The following ARHGAP20 variants were observed in gnomAD, a reference collection of about 807,000 sequenced individuals.
ARHGAP20 encodes rho GTPase-activating protein 20.
In ARHGAP20, 34 loss-of-function variants were observed where a neutral mutation model predicts 73.7. The ratio of observed to expected loss-of-function variants is 0.46; its 90% CI spans 0.35 to 0.61. The LOEUF (loss-of-function observed/expected upper bound fraction) is 0.61. ARHGAP20 is among the 20% of genes least tolerant of loss of function. The pLI is 0.00. For synonymous variants in ARHGAP20, 523 were observed against 518.2 expected (o/e 1.01, Z -0.13); for missense variants, 1,314 against 1,420.9 (o/e 0.92, Z 1.21).
At position 110,578,035 on chromosome 11, in the gene ARHGAP20, AAAG is replaced by A. The variant is rs774336300; in HGVS notation, c.*1332_*1334del. 5 of 985,296 alleles carry A rather than the reference AAAG, an allele frequency of 5.1e-6. No homozygotes were observed. Among genetic ancestry groups the A allele is most frequent in the African/African-American group, 1.7e-5 (1 of 57,244 alleles). 61.0% of individuals were successfully genotyped at this position (985,296 alleles called of 1,614,324 possible). Reference sequence around the variant, plus strand: ...TTCTTATAGGTTAGTAGTTAATGTGAAAGAAGATGCACATCCATTTTTAGTGCC... The same window carrying A: ...TTCTTATAGGTTAGTAGTTAATGTGAAAGATGCACATCCATTTTTAGTGCC... On this transcript the variant is annotated 3_prime_UTR_variant, in exon 15 of 15. Coordinates refer to ENST00000683387, the MANE Select transcript of ARHGAP20 (RefSeq NM_001384657.1).
Position 110,609,022 on chromosome 11 carries a change from A to G in ARHGAP20, c.737T>C (p.Val246Ala). ...TGSERDYQLWVNSGKEEAPYP... is the reference protein window; with the variant it reads ...TGSERDYQLWANSGKEEAPYP... ...TGGAGCCTCTTCTTTGCCAGAATTGACCCACAACTGGTAATCTCTCTCAGA... is the reference window on the plus strand; with the variant it reads ...TGGAGCCTCTTCTTTGCCAGAATTGGCCCACAACTGGTAATCTCTCTCAGA... Residue 246 changes from valine (V) to alanine (A), a missense_variant, in exon 8 of 15, where the codon GTC becomes GCC. Around this residue, in one of 3 missense-constraint regions of ARHGAP20, gnomAD observed 443 missense variants for 466.4 expected, o/e 0.95. Coordinates refer to ENST00000683387, the MANE Select transcript of ARHGAP20 (RefSeq NM_001384657.1). The G allele has an allele frequency of 6.2e-7, 1 of 1,613,694 alleles. No homozygotes were observed. Among genetic ancestry groups the G allele is most frequent in the African/African-American group, 1.3e-5 (1 of 75,032 alleles).
intron 1 of ARHGAP20, among the ~76,000 whole-genome samples, chr11:110,700,738 C>T (rs572209744): frequency 9.2e-6 from 1 of 109,276 alleles, no homozygotes; most frequent in African/African-American, 3.5e-5. Flanking sequence ...ATCCCTCCCC[C>T]CTCCCCCCAC....
intron 9 of ARHGAP20, 140 bp from the exon 10 acceptor site, chr11:110,592,295 C>A: frequency 1.5e-6 from 1 of 673,072 alleles, no homozygotes; most frequent in Non-Finnish European, 2.3e-6. Context: ...ATTGACAATT[C>A]AACCTATAAA....
chr11:110,594,243 C>T (rs1246181757), intron 9 of ARHGAP20, among the ~76,000 whole-genome samples: 1 of 152,158 alleles, frequency 6.6e-6, no homozygotes, highest in Non-Finnish European at 1.5e-5. Context: ...AATGCATCAT[C>T]AATGTACACA....
chr11:110,640,496 A>G (rs879535291), intron 2 of ARHGAP20, among the ~76,000 whole-genome samples: 1 of 152,010 alleles, frequency 6.6e-6, no homozygotes, highest in African/African-American at 2.4e-5. Flanking sequence ...CACTCTCAAC[A>G]TCAAAACTCT....
chr11:110,600,827 A>G (rs1370618491), intron 9 of ARHGAP20, among the ~76,000 whole-genome samples: 1 of 152,244 alleles, frequency 6.6e-6, no homozygotes, highest in Non-Finnish European at 1.5e-5. Context: ...ACCATTCCAA[A>G]GATGAGTTAC....
At chr11:110,701,098 C>T (rs534124473) in intron 1 of ARHGAP20, among the ~76,000 whole-genome samples, 5,079 of 151,464 alleles carry the variant, frequency 0.034, 114 homozygotes, top group Non-Finnish European at 0.051. Context: ...CCTTTGGGTA[C>T]ATACCCAGTA....
intron 2 of ARHGAP20, among the ~76,000 whole-genome samples, chr11:110,653,028 T>C (rs1249164671): frequency 1.3e-5 from 2 of 151,986 alleles, no homozygotes; most frequent in East Asian, 3.9e-4. Context: ...ACGCAGAGAA[T>C]TGAAACTGGA....
Position 110,690,568 on chromosome 11 carries a change from A to C in ARHGAP20, c.167T>G (p.Leu56Arg). The C allele has an allele frequency of 6.2e-6, 10 of 1,614,030 alleles. No homozygotes were observed. The highest frequency in any genetic ancestry group is 8.5e-6 in the Non-Finnish European group (10 of 1,179,922). Residue 56 changes from leucine (L) to arginine (R), a missense_variant, in exon 2 of 15, where the codon CTA becomes CGA. By Grantham distance (102) the Leu-to-Arg change is moderately radical (BLOSUM62 -2). Around this residue, in one of 3 missense-constraint regions of ARHGAP20, gnomAD observed 443 missense variants for 466.4 expected, o/e 0.95. Coordinates refer to ENST00000683387, the MANE Select transcript of ARHGAP20 (RefSeq NM_001384657.1). ...SAPSLILDKA[L>R]QKRPTTRDSP... The stretch of plus-strand genomic sequence containing the variant: ...TTACCTGGTAGTAGGCCGTTTTTGT[A>C]GGGCTTTATCCAGGATAAGAGATGG...
chr11:110,586,337 G>T lies in ARHGAP20; in HGVS notation c.1306-12C>A, dbSNP rs781210945. The T allele has an allele frequency of 3.4e-6, 5 of 1,450,324 alleles. No homozygotes were observed. The highest frequency in any genetic ancestry group is 1.4e-5 in the African/African-American group (1 of 69,580). 89.8% of individuals were successfully genotyped at this position (1,450,324 alleles called of 1,614,324 possible). ...TTTCGCAGAAAATCCTTAAATAGAT[G>T]GAAAAACAAATATTTCAAATAATTA... On this transcript the variant is annotated splice_polypyrimidine_tract_variant and intron_variant, in intron 11 of 14. Coordinates refer to ENST00000683387, the MANE Select transcript of ARHGAP20 (RefSeq NM_001384657.1).
intron 2 of ARHGAP20, among the ~76,000 whole-genome samples, chr11:110,674,379 C>T (rs953301548): frequency 1.3e-5 from 2 of 152,168 alleles, no homozygotes; most frequent in Middle Eastern, 3.2e-3. Context: ...ACAGGTTGAG[C>T]ATCCCTGATC....
intron 2 of ARHGAP20, among the ~76,000 whole-genome samples, chr11:110,674,311 C>T (rs1248878683): frequency 1.3e-5 from 2 of 152,132 alleles, no homozygotes; most frequent in Non-Finnish European, 2.9e-5. Context: ...ACACAATGTA[C>T]TTAGTTTAGA....
In ARHGAP20 at chr11:110,592,120, T is replaced by C. The variant is rs773020379; in HGVS notation, c.1000A>G (p.Ile334Val). The C allele has an allele frequency of 3.1e-6, 5 of 1,614,166 alleles. No homozygotes were observed. Among genetic ancestry groups the C allele is most frequent in the East Asian group, 2.2e-5 (1 of 44,888 alleles). The change falls in exon 10 of 15, where the codon ATC (isoleucine) becomes GTC (valine). Residue 334 changes from isoleucine (I) to valine (V), a missense_variant. Physicochemically the swap from Ile to Val is conservative, Grantham distance 29. Coordinates refer to ENST00000683387, the MANE Select transcript of ARHGAP20 (RefSeq NM_001384657.1). Reference protein sequence around the residue: ...GHKTFKRRRSIINWAFWRGSS... With the variant: ...GHKTFKRRRSVINWAFWRGSS... The stretch of plus-strand genomic sequence containing the variant: ...CCTCGCCAGAAGGCCCAGTTTATGA[T>C]AGATCTTCTCCTTTTAAATGTCTTA...
intron 2 of ARHGAP20, among the ~76,000 whole-genome samples, chr11:110,639,511 T>C (rs1354118172): frequency 6.6e-6 from 1 of 152,002 alleles, no homozygotes; most frequent in East Asian, 1.9e-4. Flanking sequence ...CCATTATCAC[T>C]ACTTAGTTCC....
intron 2 of ARHGAP20, among the ~76,000 whole-genome samples, chr11:110,654,514 C>T (rs773174706): frequency 7.2e-5 from 11 of 152,174 alleles, no homozygotes; most frequent in Non-Finnish European, 5.9e-5. Flanking sequence ...TGCTGATGCA[C>T]ATTAAAGTGT....
At chr11:110,616,436 G>A (rs970648478) in intron 4 of ARHGAP20, among the ~76,000 whole-genome samples, 12 of 152,122 alleles carry the variant, frequency 7.9e-5, no homozygotes, top group Non-Finnish European at 7.3e-5. Context: ...ATAGAGGCAT[G>A]ATCATGGCTC....
At chr11:110,616,674 C>A (rs1444518327) in intron 4 of ARHGAP20, among the ~76,000 whole-genome samples, 1 of 148,464 alleles carries the variant, frequency 6.7e-6, no homozygotes, top group Non-Finnish European at 1.5e-5. Flanking sequence ...AGAAAGTGTA[C>A]CACATTTTTT....
At chr11:110,680,643 A>G (rs1950020153) in intron 2 of ARHGAP20, among the ~76,000 whole-genome samples, 1 of 152,160 alleles carries the variant, frequency 6.6e-6, no homozygotes, top group Non-Finnish European at 1.5e-5. Context: ...AAGAAATTAA[A>G]TGGATGTGCT....
chr11:110,618,521 A>G (rs1349544780), intron 4 of ARHGAP20, among the ~76,000 whole-genome samples: 1 of 152,200 alleles, frequency 6.6e-6, no homozygotes, highest in African/African-American at 2.4e-5. Flanking sequence ...TGCAGCACCT[A>G]TTTTTCTGGT....
Sources: allele counts gnomAD v4.1 joint callset (sites outside exome capture counted in the v4.1 genomes callset), GRCh38; gene constraint gnomAD v4.1.1; regional missense constraint gnomAD v4.1.1; transcripts MANE v1.5; gene names NCBI Gene and HGNC (gene_info 2026-07-23, HGNC 2026-07-21).